Variants in HFM1 observed in about 807,000 individuals in gnomAD.
HFM1 encodes helicase for meiosis 1.
In HFM1, 169 loss-of-function variants were observed where a neutral mutation model predicts 192.1. The ratio of observed to expected loss-of-function variants is 0.88; its 90% CI spans 0.78 to 1.00. The LOEUF is 1.00. Among genes scored for constraint, HFM1 ranks in the 50% least tolerant of loss-of-function variants. The probability of loss-of-function intolerance (pLI) is 0.00; values close to 1 mark genes in which losing one functional copy is unlikely to be tolerated. For synonymous variants in HFM1, 525 were observed against 537.8 expected, an observed-to-expected ratio of 0.98 and a Z score of 0.33; for missense variants, 1,661 against 1,668.0, an observed-to-expected ratio of 1.00 and a Z score of 0.07.
chr1:91,300,516 A>C (rs1005095373), intron 30 of HFM1, among the ~76,000 whole-genome samples: 19 of 152,352 alleles, frequency 1.2e-4, no homozygotes, highest in Admixed American at 1.0e-3. Flanking sequence ...CCTGATGAAC[A>C]CCAATGCAAA....
At chr1:91,337,484 A>G (rs56738625) in intron 20 of HFM1, among the ~76,000 whole-genome samples, 15,120 of 152,294 alleles carry the variant, frequency 0.099, 793 homozygotes, top group East Asian at 0.17. Context: ...ATAAAAATGA[A>G]TTAATTAGAA....
intron 30 of HFM1, among the ~76,000 whole-genome samples, chr1:91,288,154 T>G (rs1668241285): frequency 6.7e-6 from 1 of 150,052 alleles, no homozygotes; most frequent in African/African-American, 2.5e-5. Context: ...ATTCAGGAAA[T>G]ACAGAGAACG....
chr1:91,387,931 T>TA (rs368930286), intron 4 of HFM1, among the ~76,000 whole-genome samples: 2,787 of 113,006 alleles, frequency 0.025, 36 homozygotes, highest in Non-Finnish European at 0.034. Flanking sequence ...AAAAAAAAAT[T>TA]AAAAAAAAAA....
chr1:91,383,141 T>C (rs1452116917), intron 6 of HFM1, among the ~76,000 whole-genome samples: 5 of 152,232 alleles, frequency 3.3e-5, no homozygotes, highest in African/African-American at 1.2e-4. Context: ...AATAAATCAG[T>C]GGACACAAGT....
At chr1:91,396,495 C>G (rs939459283) in intron 2 of HFM1, 90 bp from the exon 3 acceptor site, 52 of 629,542 alleles carry the variant, frequency 8.3e-5, no homozygotes, top group Middle Eastern at 4.3e-4. Flanking sequence ...CAATTGGACT[C>G]TTAAACATTC....
rs545664867 is a variant in HFM1, at chr1:91,374,592, T to C, written c.1685+766A>G. Among the ~76,000 whole-genome samples, 5 of 152,284 alleles carry C rather than the reference T, an allele frequency of 3.3e-5. No individual in the cohort carries two copies. The South Asian group carries it at 1.0e-3, about 32-fold the overall frequency. On this transcript the variant is annotated intron_variant, in intron 13 of 38. Coordinates refer to ENST00000370425, the MANE Select transcript of HFM1 (RefSeq NM_001017975.6). ...TATAAGGTGAAGAAGATATCAATCA[T>C]AGTTTTCTGCTATGAGTAACTAAGG... is the stretch of plus-strand genomic sequence containing the variant.
chr1:91,362,187 T>C (rs2101835758), intron 13 of HFM1, among the ~76,000 whole-genome samples: 1 of 152,310 alleles, frequency 6.6e-6, no homozygotes, highest in East Asian at 1.9e-4. Context: ...TTGGAAGTTC[T>C]GGCAAGGGCA....
chr1:91,284,839 T>C (rs2033915), intron 30 of HFM1, among the ~76,000 whole-genome samples: 110,121 of 152,110 alleles, frequency 0.72, 40,108 homozygotes, highest in East Asian at 0.82. Context: ...TAACCATATG[T>C]GAGAAACTGC....
At chr1:91,264,780 C>G (rs1237942878) in intron 36 of HFM1, among the ~76,000 whole-genome samples, 1 of 152,106 alleles carries the variant, frequency 6.6e-6, no homozygotes, top group Non-Finnish European at 1.5e-5. Flanking sequence ...CATCATTTCT[C>G]TCCCTTGACT....
chr1:91,277,737 T>C (rs12143715), intron 30 of HFM1, among the ~76,000 whole-genome samples: 2 of 85,834 alleles, frequency 2.3e-5, no homozygotes, highest in African/African-American at 1.2e-4. Flanking sequence ...CTAATATATA[T>C]AATATATATA....
At chr1:91,345,011 C>T (rs1206419213) in intron 19 of HFM1, among the ~76,000 whole-genome samples, 2 of 152,024 alleles carry the variant, frequency 1.3e-5, no homozygotes, top group African/African-American at 4.8e-5. Flanking sequence ...CCTTGGAATC[C>T]CAAAGGTATT....
intron 13 of HFM1, among the ~76,000 whole-genome samples, chr1:91,361,236 CA>C (rs201504817): frequency 0.11 from 15,378 of 139,150 alleles, 816 homozygotes; most frequent in East Asian, 0.17. Context: ...AAAAACCCTT[CA>C]AAAAAAAAAA....
intron 30 of HFM1, among the ~76,000 whole-genome samples, chr1:91,279,556 G>T (rs2100808977): frequency 6.6e-6 from 1 of 152,220 alleles, no homozygotes; most frequent in African/African-American, 2.4e-5. Flanking sequence ...CATCTTCAAG[G>T]TCCTGCATGA....
At chr1:91,330,813 T>C (rs1308256418) in intron 20 of HFM1, among the ~76,000 whole-genome samples, 1 of 152,168 alleles carries the variant, frequency 6.6e-6, no homozygotes, top group Non-Finnish European at 1.5e-5. Context: ...CATGACCAAG[T>C]GGGGTTTATC....
intron 34 of HFM1, among the ~76,000 whole-genome samples, chr1:91,269,591 C>A (rs1011203614): frequency 2.6e-5 from 4 of 152,084 alleles, no homozygotes; most frequent in Non-Finnish European, 5.9e-5. Flanking sequence ...CACACTGAGA[C>A]ACACAATGTA....
At chr1:91,364,625 TATATA>T (rs1348445515) in intron 13 of HFM1, among the ~76,000 whole-genome samples, 6 of 41,012 alleles carry the variant, frequency 1.5e-4, no homozygotes, top group Middle Eastern at 8.6e-3. Flanking sequence ...TATATATATA[TATATA>T]TATTTTTTTT....
chr1:91,296,678 GT>G (rs1244987372), intron 30 of HFM1, among the ~76,000 whole-genome samples: 3 of 152,120 alleles, frequency 2.0e-5, no homozygotes, highest in Admixed American at 6.5e-5. Flanking sequence ...AATTAAGTAT[GT>G]TTTCCCTAAT....
rs1651104523 is a variant in HFM1, at chr1:91,315,805, TCA to T, written c.3140+8_3140+9del. 1.3e-6 allele frequency: 2 copies of T among 1,579,124 alleles called. No homozygotes were observed. The highest frequency in any genetic ancestry group is 2.2e-5 in the East Asian group (1 of 44,468). The stretch of plus-strand genomic sequence containing the variant: ...GAAATAAGATCAAACATCAGAAATT[TCA>T]CACTTACGTAATCTTGTGCAGATAA... On this transcript the variant is annotated splice_region_variant and intron_variant, in intron 28 of 38. Transcript: ENST00000370425.
chr1:91,288,657 G>A (rs1293409204), intron 30 of HFM1, among the ~76,000 whole-genome samples: 1 of 152,076 alleles, frequency 6.6e-6, no homozygotes, highest in East Asian at 1.9e-4. Context: ...TTAACCCTCA[G>A]TGGACACAGC....
Sources: allele counts gnomAD v4.1 joint callset (sites outside exome capture counted in the v4.1 genomes callset), GRCh38; gene constraint gnomAD v4.1.1; transcripts MANE v1.5; gene names NCBI Gene and HGNC (gene_info 2026-07-23, HGNC 2026-07-21).